SPAST: variants seen among roughly 807,000 people sequenced by gnomAD.
SPAST encodes the protein spastin.
Under a neutral mutation model 76.6 loss-of-function variants are expected in SPAST, and 30 were observed. The observed-to-expected ratio is 0.39, with a 90% CI of 0.29 to 0.53. The LOEUF (loss-of-function observed/expected upper bound fraction) is 0.53. Ranked by LOEUF, SPAST falls within the 20% of genes least tolerant of loss-of-function variation. The pLI, the probability that SPAST is intolerant of heterozygous loss-of-function variation, is 0.68. For synonymous variants in SPAST, 305 were observed against 281.0 expected, an observed-to-expected ratio of 1.09 and a Z score of -0.86; for missense variants, 717 against 770.5, an observed-to-expected ratio of 0.93 and a Z score of 0.82.
At chr2:32,106,179 G>C (rs1678313062) in intron 4 of SPAST, among the ~76,000 whole-genome samples, 2 of 152,306 alleles carry the variant, frequency 1.3e-5, no homozygotes, top group Admixed American at 6.5e-5. Context: ...CCCGCCTCCA[G>C]CCTCTTTGCC....
chr2:32,085,205 C>CT (rs11399879), intron 1 of SPAST, among the ~76,000 whole-genome samples: 44,503 of 119,750 alleles, frequency 0.37, 8,731 homozygotes, highest in East Asian at 0.61. Flanking sequence ...TCTTCTTCTT[C>CT]TTTTTTTTTT....
chr2:32,105,524 G>A (rs1678286587), intron 4 of SPAST, among the ~76,000 whole-genome samples: 1 of 152,156 alleles, frequency 6.6e-6, no homozygotes. Flanking sequence ...TCCTTTGGAG[G>A]AGAAGAGGCG....
At chr2:32,105,938 T>C (rs1678303442) in intron 4 of SPAST, among the ~76,000 whole-genome samples, 1 of 152,218 alleles carries the variant, frequency 6.6e-6, no homozygotes, top group African/African-American at 2.4e-5. Context: ...AGTCTGTCCG[T>C]TCGCCGATCT....
intron 2 of SPAST, among the ~76,000 whole-genome samples, 198 bp downstream of exon 2, chr2:32,087,776 A>G (rs1156392732): frequency 6.9e-6 from 1 of 144,900 alleles, no homozygotes; most frequent in Non-Finnish European, 1.5e-5. Context: ...GCTCACTGCA[A>G]CCTCAAACTT....
chr2:32,107,575 G>A (rs1014124050), intron 4 of SPAST, among the ~76,000 whole-genome samples: 3 of 152,056 alleles, frequency 2.0e-5, no homozygotes, highest in South Asian at 2.1e-4. Context: ...CTTTTTGAGC[G>A]CTGACATGAT....
chr2:32,094,504 G>A (rs903071914), intron 3 of SPAST, among the ~76,000 whole-genome samples: 1 of 152,146 alleles, frequency 6.6e-6, no homozygotes, highest in African/African-American at 2.4e-5. Flanking sequence ...GAAAGTACCT[G>A]GTATGTTTGT....
intron 1 of SPAST, among the ~76,000 whole-genome samples, chr2:32,083,740 T>TA (rs1677340097): frequency 9.5e-5 from 6 of 63,246 alleles, no homozygotes; most frequent in Non-Finnish European, 1.2e-4. Context: ...ACTATATATA[T>TA]TTATATATAC....
At chr2:32,091,452 T>C (rs1321280001) in intron 3 of SPAST, among the ~76,000 whole-genome samples, 1 of 151,076 alleles carries the variant, frequency 6.6e-6, no homozygotes, top group Non-Finnish European at 1.5e-5. Context: ...AATTTTTGTA[T>C]TTTTAGTAGG....
At chr2:32,138,369 T>G (rs1242104351) in intron 12 of SPAST, among the ~76,000 whole-genome samples, 3 of 152,178 alleles carry the variant, frequency 2.0e-5, no homozygotes, top group Non-Finnish European at 4.4e-5. Flanking sequence ...TGCCATTTTA[T>G]TAATAGCCAT....
chr2:32,143,550 C>G, intron 14 of SPAST, 135 bp downstream of exon 14: 1 of 648,894 alleles, frequency 1.5e-6, no homozygotes, highest in South Asian at 1.9e-5. Context: ...TCATCCTCTA[C>G]CTCCTTTGCC....
intron 3 of SPAST, among the ~76,000 whole-genome samples, chr2:32,095,181 T>C (rs1298285239): frequency 2.0e-5 from 3 of 152,290 alleles, no homozygotes; most frequent in Non-Finnish European, 4.4e-5. Flanking sequence ...GGATTATGAT[T>C]ATAGTTGAAG....
intron 16 of SPAST, among the ~76,000 whole-genome samples, chr2:32,153,769 A>C (rs1680163646): frequency 6.6e-6 from 1 of 152,146 alleles, no homozygotes; most frequent in African/African-American, 2.4e-5. Context: ...AAATAAGACC[A>C]AATTAATATA....
At chr2:32,131,038 T>C (rs1048696341) in intron 9 of SPAST, among the ~76,000 whole-genome samples, 1 of 152,214 alleles carries the variant, frequency 6.6e-6, no homozygotes. Flanking sequence ...TGTTATGGCA[T>C]TGGACTAAAG....
intron 14 of SPAST, among the ~76,000 whole-genome samples, chr2:32,144,401 G>T (rs1250405872): frequency 6.6e-6 from 1 of 152,148 alleles, no homozygotes; most frequent in Non-Finnish European, 1.5e-5. Flanking sequence ...GAAGCCTCTG[G>T]AGATAGTATG....
intron 9 of SPAST, among the ~76,000 whole-genome samples, chr2:32,130,849 G>T (rs1324220151): frequency 6.6e-6 from 1 of 152,064 alleles, no homozygotes; most frequent in African/African-American, 2.4e-5. Flanking sequence ...AGAGAAACTT[G>T]ATTTTATCAG....
chr2:32,128,710 T>C, intron 9 of SPAST: 2 of 518,600 alleles, frequency 3.9e-6, no homozygotes, highest in Non-Finnish European at 6.9e-6. Flanking sequence ...GTAAACTGGC[T>C]GGCTTAAACA....
chr2:32,131,292 C>T (rs547114451), intron 9 of SPAST, among the ~76,000 whole-genome samples: 12 of 152,268 alleles, frequency 7.9e-5, no homozygotes, highest in African/African-American at 2.4e-4. Flanking sequence ...AACTATTCCC[C>T]GTTATTATTC....
intron 4 of SPAST, among the ~76,000 whole-genome samples, chr2:32,101,825 T>C (rs576291956): frequency 1.6e-4 from 24 of 152,310 alleles, no homozygotes; most frequent in African/African-American, 5.8e-4. Flanking sequence ...TTCTGTTCCA[T>C]TGGTCTATAT....
chr2:32,072,172 A>T (rs1195240739), intron 1 of SPAST, among the ~76,000 whole-genome samples: 1 of 151,818 alleles, frequency 6.6e-6, no homozygotes, highest in East Asian at 1.9e-4. Context: ...CCTCCTGAGT[A>T]GCTGGGACTA....
Sources: allele counts gnomAD v4.1 joint callset (sites outside exome capture counted in the v4.1 genomes callset), GRCh38; gene constraint gnomAD v4.1.1; transcripts MANE v1.5; gene names NCBI Gene and HGNC (gene_info 2026-07-23, HGNC 2026-07-21).